The following FBXL20 variants were observed in gnomAD, a reference collection of about 807,000 sequenced individuals.
FBXL20 encodes F-box and leucine rich repeat protein 20.
In FBXL20, 11 loss-of-function variants were observed where a neutral mutation model predicts 64.0. The observed-to-expected ratio is 0.17, with a 90% CI of 0.11 to 0.28. The LOEUF is 0.28. FBXL20 is among the 10% of genes least tolerant of loss of function. FBXL20 has a pLI of 1.00. For missense variants in FBXL20, 303 were observed against 526.2 expected (o/e 0.58, Z 4.15); for synonymous variants, 184 against 189.0 (o/e 0.97, Z 0.22).
Position 39,261,388 on chromosome 17 carries a change from C to T in FBXL20, c.*72G>A. ...GCTCAGAACACTGGGGTTGCTTCCA[C>T]TGGAGAGACTCCACGGTAGCTCTAG... On this transcript the variant is annotated 3_prime_UTR_variant, in exon 15 of 15. Transcript: ENST00000264658. 1.6e-6 allele frequency: 2 copies of T among 1,270,550 alleles called. No individual in the cohort carries two copies. Among genetic ancestry groups the T allele is most frequent in the South Asian group, 1.2e-5 (1 of 83,908 alleles). 78.7% of individuals were successfully genotyped at this position (1,270,550 alleles called of 1,614,324 possible). A position where few individuals can be genotyped will look rare whatever the true frequency, so the allele number is the denominator to read the frequency against.
At chr17:39,333,190 T>C (rs1370961021) in intron 2 of FBXL20, among the ~76,000 whole-genome samples, 1 of 152,194 alleles carries the variant, frequency 6.6e-6, no homozygotes, top group African/African-American at 2.4e-5. Flanking sequence ...CTCCCTCTGA[T>C]GCCCAGCCGA....
upstream of FBXL20, chr17:39,401,763 G>T: frequency 9.6e-7 from 1 of 1,039,656 alleles, no homozygotes; most frequent in Non-Finnish European, 1.2e-6. Context: ...CGGCGGCGGC[G>T]CGAGACCACC....
chr17:39,274,956 C>G lies in FBXL20; in HGVS notation c.827+14G>C. Reference sequence around the variant, plus strand: ...TGTTCTATGATTTTTTTGAGCTAAACAAGAAATGTTTACCTAAGCCGTGGG... The same window carrying G: ...TGTTCTATGATTTTTTTGAGCTAAAGAAGAAATGTTTACCTAAGCCGTGGG... On this transcript the variant is annotated intron_variant, in intron 10 of 14. Coordinates refer to ENST00000264658, the MANE Select transcript of FBXL20 (RefSeq NM_032875.3). The G allele has an allele frequency of 6.2e-7, 1 of 1,609,886 alleles. No homozygotes were observed.
chr17:39,346,571 A>C (rs1326309143), intron 1 of FBXL20, among the ~76,000 whole-genome samples: 1 of 152,188 alleles, frequency 6.6e-6, no homozygotes, highest in East Asian at 1.9e-4. Flanking sequence ...GGGACAGTGA[A>C]ATGAAAAGAA....
intron 6 of FBXL20, 113 bp downstream of exon 6, chr17:39,297,014 C>T: frequency 4.9e-5 from 28 of 571,338 alleles, no homozygotes; most frequent in South Asian, 9.9e-5. Context: ...AATATCTTTC[C>T]TCTACAAAAC....
chr17:39,271,930 G>C (rs1186808956), intron 10 of FBXL20, among the ~76,000 whole-genome samples: 1 of 152,018 alleles, frequency 6.6e-6, no homozygotes, highest in Non-Finnish European at 1.5e-5. Flanking sequence ...TAAAGTATAG[G>C]AAACAATTAT....
intron 2 of FBXL20, among the ~76,000 whole-genome samples, chr17:39,319,588 G>A (rs959433915): frequency 6.6e-6 from 1 of 150,406 alleles, no homozygotes; most frequent in Non-Finnish European, 1.5e-5. Flanking sequence ...AGGAGGCTGA[G>A]GCAGGACAAT....
intron 1 of FBXL20, among the ~76,000 whole-genome samples, chr17:39,345,427 C>T (rs1210554759): frequency 6.6e-6 from 1 of 152,100 alleles, no homozygotes; most frequent in African/African-American, 2.4e-5. Flanking sequence ...TGGAGTCATA[C>T]ATGAAGATCC....
At chr17:39,343,041 A>G (rs1295417990) in intron 2 of FBXL20, 139 bp downstream of exon 2, 2 of 527,186 alleles carry the variant, frequency 3.8e-6, no homozygotes, top group African/African-American at 2.0e-5. Context: ...GCAGAGTAAG[A>G]TTGTTCAAAG....
chr17:39,370,498 AAAAG>A (rs1366435996), intron 1 of FBXL20, among the ~76,000 whole-genome samples: 2 of 150,180 alleles, frequency 1.3e-5, no homozygotes, highest in African/African-American at 2.4e-5. Context: ...CTCAAAAAAA[AAAAG>A]AAGGCCGGGC....
intron 6 of FBXL20, among the ~76,000 whole-genome samples, chr17:39,293,409 G>A (rs958191120): frequency 3.2e-4 from 49 of 151,536 alleles, no homozygotes; most frequent in African/African-American, 1.2e-3. Context: ...TTTTAGTAGA[G>A]ATGGGGTTTC....
intron 1 of FBXL20, among the ~76,000 whole-genome samples, chr17:39,385,797 C>T (rs1201670662): frequency 6.6e-6 from 1 of 152,008 alleles, no homozygotes; most frequent in Non-Finnish European, 1.5e-5. Context: ...TTTGGGAGGC[C>T]GAGGTGGGCA....
chr17:39,298,881 G>A, intron 5 of FBXL20, 109 bp downstream of exon 5: 1 of 791,740 alleles, frequency 1.3e-6, no homozygotes, highest in Non-Finnish European at 2.1e-6. Flanking sequence ...AGCAATGTGT[G>A]GTTGCATTTT....
rs2046949905 is a variant in FBXL20 at position 39,281,467 on chromosome 17, GA to G, written c.622-5del. 6.2e-7 allele frequency: 1 copy of G among 1,610,564 alleles called. No individual in the cohort carries two copies. The highest frequency in any genetic ancestry group is 8.5e-7 in the Non-Finnish European group (1 of 1,178,026). On this transcript the variant is annotated splice_polypyrimidine_tract_variant and splice_region_variant and intron_variant, in intron 8 of 14. Transcript: ENST00000264658. ...ACTTGAGAGCTTCATCTTCTAGCTAGAAAGATTAAAAAGTAAGAAAAAAATG... is the reference window on the plus strand; with the variant it reads ...ACTTGAGAGCTTCATCTTCTAGCTAGAAGATTAAAAAGTAAGAAAAAAATG...
intron 2 of FBXL20, among the ~76,000 whole-genome samples, chr17:39,306,246 G>A (rs886263958): frequency 3.3e-5 from 5 of 151,520 alleles, no homozygotes; most frequent in Non-Finnish European, 7.4e-5. Context: ...AGCCTCTTGG[G>A]GTCACGTGAT....
At chr17:39,295,728 AC>A (rs1380047778) in intron 6 of FBXL20, among the ~76,000 whole-genome samples, 1 of 150,370 alleles carries the variant, frequency 6.7e-6, no homozygotes, top group Non-Finnish European at 1.5e-5. Context: ...AACTATTTTT[AC>A]TTATTTTATT....
rs1028922140 is a variant in FBXL20 at position 39,265,471 on chromosome 17, T to C, written c.934-18A>G. ...TCTGTTATCTGAAAGAAATAACGTATGTTGATTTTAGGTATAATCCAAATA... is the reference window on the plus strand; with the variant it reads ...TCTGTTATCTGAAAGAAATAACGTACGTTGATTTTAGGTATAATCCAAATA... On this transcript the variant is annotated intron_variant, in intron 12 of 14. Transcript: ENST00000264658. 9 of 1,577,694 alleles carry C rather than the reference T, an allele frequency of 5.7e-6. No homozygotes were observed. In the African/African-American group the frequency reaches 9.4e-5, roughly 17 times the overall value.
intron 2 of FBXL20, among the ~76,000 whole-genome samples, chr17:39,341,679 G>C (rs929010976): frequency 6.6e-6 from 1 of 152,148 alleles, no homozygotes; most frequent in Non-Finnish European, 1.5e-5. Context: ...TCAGGCAATG[G>C]AATCTAAGTA....
At chr17:39,316,707 T>C (rs1359154903) in intron 2 of FBXL20, among the ~76,000 whole-genome samples, 2 of 152,220 alleles carry the variant, frequency 1.3e-5, no homozygotes, top group Non-Finnish European at 2.9e-5. Context: ...ATGGGACGGC[T>C]GGGCACGGTG....
Sources: gnomAD v4.1 joint callset for allele counts (sites outside exome capture counted in the v4.1 genomes callset) on GRCh38, gnomAD v4.1.1 for gene constraint, MANE v1.5 for transcripts, NCBI Gene and HGNC (gene_info 2026-07-23, HGNC 2026-07-21) for gene names.